IGF1R: variants seen among roughly 807,000 people sequenced by gnomAD.
IGF1R encodes insulin like growth factor 1 receptor, also known as insulin-like growth factor 1 receptor.
A neutral mutation model predicts 144.6 loss-of-function variants in IGF1R; 44 were observed. The observed-to-expected ratio is 0.30, with a 90% CI of 0.24 to 0.39. The LOEUF (loss-of-function observed/expected upper bound fraction) is 0.39, where lower values mean the gene tolerates loss of function less well. Among genes scored for constraint, IGF1R ranks in the 10% least tolerant of loss-of-function variants. The pLI is 1.00. For missense variants in IGF1R, 1,355 were observed against 1,833.7 expected (o/e 0.74, Z 4.77); for synonymous variants, 795 against 722.8 (o/e 1.10, Z -1.60).
chr15:98,719,243 C>A (rs2054191161), intron 2 of IGF1R, among the ~76,000 whole-genome samples: 1 of 152,152 alleles, frequency 6.6e-6, no homozygotes, highest in African/African-American at 2.4e-5. Context: ...AAGACAGCAG[C>A]TGAATGCAGA....
intron 2 of IGF1R, among the ~76,000 whole-genome samples, chr15:98,849,754 G>A (rs896779306): frequency 6.6e-6 from 1 of 152,158 alleles, no homozygotes; most frequent in African/African-American, 2.4e-5. Flanking sequence ...TTGGGATGAA[G>A]TATTGAACAG....
chr15:98,907,413 G>T (rs1028287182), intron 5 of IGF1R, among the ~76,000 whole-genome samples: 2 of 152,210 alleles, frequency 1.3e-5, no homozygotes, highest in Non-Finnish European at 2.9e-5. Context: ...TCCTGGCTAC[G>T]CTGGCTCTGC....
intron 10 of IGF1R, among the ~76,000 whole-genome samples, chr15:98,918,007 TTTG>T (rs2015324102): frequency 6.6e-6 from 1 of 152,174 alleles, no homozygotes; most frequent in Admixed American, 6.5e-5. Context: ...TTACATATAT[TTTG>T]TTTTGTTTTA....
At chr15:98,836,161 C>T (rs1302968840) in intron 2 of IGF1R, among the ~76,000 whole-genome samples, 5 of 150,718 alleles carry the variant, frequency 3.3e-5, no homozygotes, top group South Asian at 2.1e-4. Flanking sequence ...CCCCACTGGC[C>T]GGGGAGAAAC....
At chr15:98,914,963 G>A (rs1456175949) in intron 8 of IGF1R, among the ~76,000 whole-genome samples, 1 of 152,210 alleles carries the variant, frequency 6.6e-6, no homozygotes, top group Non-Finnish European at 1.5e-5. Context: ...TTTTTCCAAA[G>A]TATCATCCCT....
chr15:98,862,816 T>C (rs2012229275), intron 2 of IGF1R, among the ~76,000 whole-genome samples: 1 of 152,234 alleles, frequency 6.6e-6, no homozygotes, highest in African/African-American at 2.4e-5. Flanking sequence ...ACTTTTTAAT[T>C]TGAAATAATT....
chr15:98,807,052 T>G lies in IGF1R; in HGVS notation c.641-84273T>G, dbSNP rs540727383. Among the ~76,000 whole-genome samples the G allele has an allele frequency of 2.2e-4, 34 of 152,294 alleles. No homozygotes were observed. The South Asian group carries it at 7.0e-3, about 32-fold the overall frequency. On this transcript the variant is annotated intron_variant, in intron 2 of 20. Transcript: ENST00000650285. ...TTATAACGTCTGATGTGACCTGTTC[T>G]TTAGGTGTTGAAATTAGAACGGCCT...
At chr15:98,933,619 C>T (rs1005373720) in intron 15 of IGF1R, among the ~76,000 whole-genome samples, 2 of 152,248 alleles carry the variant, frequency 1.3e-5, no homozygotes, top group Non-Finnish European at 2.9e-5. Context: ...AGCCACCGCA[C>T]ACGGCCCATT....
In IGF1R at chr15:98,960,830, C is replaced by T. The variant is rs1032773017; in HGVS notation, c.*3388C>T. The T allele has an allele frequency of 4.3e-6, 1 of 233,890 alleles. No homozygotes were observed. 14.5% of individuals were successfully genotyped at this position (233,890 alleles called of 1,614,324 possible). A position where few individuals can be genotyped will look rare whatever the true frequency, so the allele number is the denominator to read the frequency against. Reference sequence around the variant, plus strand: ...CTCAACTTCTCCCTCACCTCCTTCCCTAGGGGTAGACAGAGATGTACCAAA... The same window carrying T: ...CTCAACTTCTCCCTCACCTCCTTCCTTAGGGGTAGACAGAGATGTACCAAA... On this transcript the variant is annotated 3_prime_UTR_variant, in exon 21 of 21. Transcript: ENST00000650285.
chr15:98,651,249 T>G (rs916005383), intron 1 of IGF1R, among the ~76,000 whole-genome samples: 9 of 152,184 alleles, frequency 5.9e-5, no homozygotes, highest in Non-Finnish European at 5.9e-5. Flanking sequence ...CTTAAACGTC[T>G]GGTAAGAAAT....
At chr15:98,684,212 T>C (rs1422312055) in intron 1 of IGF1R, among the ~76,000 whole-genome samples, 1 of 152,218 alleles carries the variant, frequency 6.6e-6, no homozygotes, top group South Asian at 2.1e-4. Flanking sequence ...TTCTGTGTTA[T>C]GAACAACTTG....
chr15:98,827,932 A>ATT (rs1313146933), intron 2 of IGF1R, among the ~76,000 whole-genome samples: 1 of 152,166 alleles, frequency 6.6e-6, no homozygotes, highest in East Asian at 1.9e-4. Context: ...TTGGAAAGAA[A>ATT]TGTTTTCTCC....
chr15:98,928,293 G>C (rs1249845219), intron 13 of IGF1R, among the ~76,000 whole-genome samples: 2 of 152,178 alleles, frequency 1.3e-5, no homozygotes, highest in Non-Finnish European at 2.9e-5. Flanking sequence ...ACAAGGATCA[G>C]TGACTTCTTT....
intron 1 of IGF1R, among the ~76,000 whole-genome samples, chr15:98,689,234 CTTTTTTTTTT>C (rs890361771): frequency 2.0e-5 from 2 of 100,922 alleles, no homozygotes; most frequent in Admixed American, 1.1e-4. Flanking sequence ...AGTTGCACTA[CTTTTTTTTTT>C]TTTTTTTTTT....
At chr15:98,874,859 G>C (rs1246045615) in intron 2 of IGF1R, among the ~76,000 whole-genome samples, 1 of 152,206 alleles carries the variant, frequency 6.6e-6, no homozygotes, top group African/African-American at 2.4e-5. Flanking sequence ...TGGGTGATTG[G>C]GGGAAACTGA....
At chr15:98,705,646 C>A (rs2053843457) in intron 1 of IGF1R, among the ~76,000 whole-genome samples, 1 of 152,206 alleles carries the variant, frequency 6.6e-6, no homozygotes, top group Non-Finnish European at 1.5e-5. Flanking sequence ...CCCTCCACTT[C>A]CTCTTCTCTT....
At chr15:98,686,871 C>T (rs1039408431) in intron 1 of IGF1R, among the ~76,000 whole-genome samples, 4 of 152,126 alleles carry the variant, frequency 2.6e-5, no homozygotes, top group African/African-American at 9.7e-5. Context: ...GGTCTTGGTA[C>T]ATTTTCTAGG....
At chr15:98,819,409 G>A (rs1397886164) in intron 2 of IGF1R, among the ~76,000 whole-genome samples, 5 of 152,070 alleles carry the variant, frequency 3.3e-5, no homozygotes, top group East Asian at 1.9e-4. Context: ...GGATTAAATC[G>A]TGAGGGTGGG....
At chr15:98,684,930 C>CTTTTTTTTT (rs5814891) in intron 1 of IGF1R, among the ~76,000 whole-genome samples, 1 of 113,440 alleles carries the variant, frequency 8.8e-6, no homozygotes, top group African/African-American at 3.1e-5. Flanking sequence ...CTTCCTTTTC[C>CTTTTTTTTT]TTTTTTTTTT....
Sources: gnomAD v4.1 joint callset for allele counts (sites outside exome capture counted in the v4.1 genomes callset) on GRCh38, gnomAD v4.1.1 for gene constraint, MANE v1.5 for transcripts, NCBI Gene and HGNC (gene_info 2026-07-23, HGNC 2026-07-21) for gene names.